Variants in ACOXL observed in about 807,000 individuals in gnomAD.
The protein encoded by ACOXL is acyl-coenzyme A oxidase-like protein.
A neutral mutation model predicts 71.9 loss-of-function variants in ACOXL; 70 were observed. The observed-to-expected ratio is 0.97, with a 90% confidence interval of 0.80 to 1.19. ACOXL has a LOEUF of 1.19. Among genes scored for constraint, ACOXL ranks in the 50% most tolerant of loss-of-function variants. The probability of loss-of-function intolerance (pLI) is 0.00; values close to 1 mark genes in which losing one functional copy is unlikely to be tolerated. For synonymous variants in ACOXL, 253 were observed against 281.6 expected (o/e 0.90, Z 1.02); for missense variants, 703 against 736.3 (o/e 0.95, Z 0.52).
chr2:110,920,012 T>G (rs1180445406), intron 11 of ACOXL, among the ~76,000 whole-genome samples: 2 of 152,218 alleles, frequency 1.3e-5, no homozygotes, highest in Non-Finnish European at 2.9e-5. Flanking sequence ...CAATTATAAA[T>G]AACTACTAAA....
At chr2:110,737,436 A>T (rs1192054454) in intron 1 of ACOXL, among the ~76,000 whole-genome samples, 2 of 152,332 alleles carry the variant, frequency 1.3e-5, no homozygotes, top group African/African-American at 4.8e-5. Context: ...TTTTTACTTA[A>T]ATCAGTATCC....
chr2:110,856,402 T>C (rs1486308425), intron 10 of ACOXL, among the ~76,000 whole-genome samples: 1 of 152,218 alleles, frequency 6.6e-6, no homozygotes, highest in Non-Finnish European at 1.5e-5. Context: ...TAAGTCATCT[T>C]TATTTGACTT....
intron 16 of ACOXL, among the ~76,000 whole-genome samples, chr2:111,056,803 A>AC: frequency 6.6e-6 from 1 of 151,784 alleles, no homozygotes; most frequent in South Asian, 2.1e-4. Flanking sequence ...AAAAAAAAAA[A>AC]AAAAATTTCA....
intron 9 of ACOXL, among the ~76,000 whole-genome samples, chr2:110,837,733 T>TACTC (rs1235139472): frequency 6.6e-6 from 1 of 152,192 alleles, no homozygotes; most frequent in Non-Finnish European, 1.5e-5. Flanking sequence ...AATGTTGAAT[T>TACTC]ACTCTTTCCT....
In ACOXL at chr2:110,995,818, CCTACT is replaced by C. The variant is rs1193736202; in HGVS notation, c.1170-71_1170-67del. 9.7e-5 allele frequency: 113 copies of C among 1,162,414 alleles called. 1 individual carries two copies. The Middle Eastern group carries it at 1.2e-3, about 12-fold the overall frequency. 72.0% of individuals were successfully genotyped at this position (1,162,414 alleles called of 1,614,324 possible). A position where few individuals can be genotyped will look rare whatever the true frequency, so the allele number is the denominator to read the frequency against. The stretch of plus-strand genomic sequence containing the variant: ...GAAAAAAATAGTTTTAAAAAACAAA[CCTACT>C]CTATTTCTTTCAAATGAAATTCTTG... On this transcript the variant is annotated intron_variant, in intron 13 of 17. Transcript: ENST00000439055.
chr2:110,888,212 G>T (rs150352223), intron 10 of ACOXL, among the ~76,000 whole-genome samples: 1 of 152,262 alleles, frequency 6.6e-6, no homozygotes, highest in East Asian at 1.9e-4. Flanking sequence ...ATACCATCAC[G>T]AAATTACCCC....
At position 110,802,273 on chromosome 2, in the gene ACOXL, G is replaced by A. The variant is rs555817333; in HGVS notation, c.620+549G>A. Among the ~76,000 whole-genome samples, 155 of 152,298 alleles carry A rather than the reference G, an allele frequency of 1.0e-3. 1 individual carries two copies. Among genetic ancestry groups the A allele is most frequent in the African/African-American group, 3.6e-3 (149 of 41,554 alleles). ...TATTGCTTCCTTTGTGAGTGGCAGA[G>A]GATAAGGCACCATCTTTCAGCTTCC... On this transcript the variant is annotated intron_variant, in intron 8 of 17. Transcript: ENST00000439055.
intron 12 of ACOXL, among the ~76,000 whole-genome samples, chr2:110,953,286 G>C (rs13024140): frequency 0.35 from 52,957 of 149,974 alleles, 9,820 homozygotes; most frequent in Middle Eastern, 0.47. Flanking sequence ...TTTTTTTTTA[G>C]TCACAGTTCT....
intron 12 of ACOXL, among the ~76,000 whole-genome samples, chr2:110,936,634 C>G (rs560202199): frequency 6.6e-6 from 1 of 152,202 alleles, no homozygotes; most frequent in Admixed American, 6.5e-5. Flanking sequence ...CAATAATTTG[C>G]TAGAACAGCT....
At chr2:111,117,319 T>C (rs2070431459) in intron 17 of ACOXL, among the ~76,000 whole-genome samples, 1 of 152,186 alleles carries the variant, frequency 6.6e-6, no homozygotes, top group East Asian at 1.9e-4. Flanking sequence ...TCTCAGACCT[T>C]GGTCTCGAGT....
chr2:110,778,007 C>T (rs1173077485), intron 2 of ACOXL, among the ~76,000 whole-genome samples: 1 of 152,248 alleles, frequency 6.6e-6, no homozygotes, highest in Non-Finnish European at 1.5e-5. Context: ...TTGGGACCAG[C>T]CAGCAGGCAG....
intron 10 of ACOXL, among the ~76,000 whole-genome samples, chr2:110,853,515 A>C (rs910317284): frequency 6.6e-6 from 1 of 152,146 alleles, no homozygotes; most frequent in African/African-American, 2.4e-5. Flanking sequence ...AATACTTTCA[A>C]TATTCCGTGA....
intron 12 of ACOXL, among the ~76,000 whole-genome samples, chr2:110,969,322 A>G (rs980175501): frequency 7.9e-5 from 12 of 152,224 alleles, no homozygotes; most frequent in African/African-American, 2.9e-4. Flanking sequence ...TAATAAAGTT[A>G]AGATTATACA....
chr2:111,117,530 G>A, intron 17 of ACOXL, 86 bp from the exon 18 acceptor site: 1 of 1,385,818 alleles, frequency 7.2e-7, no homozygotes, highest in Non-Finnish European at 1.0e-6. Context: ...TGTGTGTGCG[G>A]GTGCTTGGTG....
chr2:111,034,228 C>T (rs1163538064), intron 15 of ACOXL, among the ~76,000 whole-genome samples: 10 of 152,224 alleles, frequency 6.6e-5, no homozygotes, highest in African/African-American at 1.4e-4. Context: ...AATGAGACAA[C>T]GCTCCAAAGC....
chr2:110,836,365 G>A lies in ACOXL; in HGVS notation c.754-5006G>A, dbSNP rs142829338. ...TGACCCTGTTTGAGTGGTATTCTGTGTGTCCATGGCTCTCTTTGAGTGGTA... is the reference window on the plus strand; with the variant it reads ...TGACCCTGTTTGAGTGGTATTCTGTATGTCCATGGCTCTCTTTGAGTGGTA... On this transcript the variant is annotated intron_variant, in intron 9 of 17. Transcript: ENST00000439055. Among the ~76,000 whole-genome samples, 220 of 152,230 alleles carry A rather than the reference G, an allele frequency of 1.4e-3. 3 individuals are homozygous for A. Among genetic ancestry groups the A allele is most frequent in the Non-Finnish European group, 2.3e-3 (156 of 68,028 alleles).
At chr2:110,940,463 A>C (rs3789129) in intron 12 of ACOXL, among the ~76,000 whole-genome samples, 28,070 of 152,188 alleles carry the variant, frequency 0.18, 2,860 homozygotes, top group East Asian at 0.37. Flanking sequence ...CTTGAGACTT[A>C]AGATTTGTAT....
chr2:111,023,534 C>T (rs538311476), intron 14 of ACOXL, among the ~76,000 whole-genome samples: 1 of 152,202 alleles, frequency 6.6e-6, no homozygotes, highest in African/African-American at 2.4e-5. Context: ...AGGAAGGGGC[C>T]ATCTGTGGGT....
In ACOXL at chr2:111,117,602, G is replaced by A; in HGVS notation, c.1543-14G>A. ...GCCAACATCTGACCTGTCCCATTGT[G>A]TTGTGTTTTGCAGTTGCTGGATTTG... On this transcript the variant is annotated splice_polypyrimidine_tract_variant and intron_variant, in intron 17 of 17. Coordinates refer to ENST00000439055, the MANE Select transcript of ACOXL (RefSeq NM_001142807.4). The A allele has an allele frequency of 6.4e-7, 1 of 1,551,734 alleles. No homozygotes were observed. The highest frequency in any genetic ancestry group is 1.2e-5 in the South Asian group (1 of 84,064).
Sources: allele counts gnomAD v4.1 joint callset (sites outside exome capture counted in the v4.1 genomes callset), GRCh38; gene constraint gnomAD v4.1.1; transcripts MANE v1.5; gene names NCBI Gene and HGNC (gene_info 2026-07-23, HGNC 2026-07-21).